The following AKAP6 variants were observed in gnomAD, a reference collection of about 807,000 sequenced individuals.
AKAP6 encodes A-kinase anchor protein 6.
In AKAP6, 58 loss-of-function variants were observed where a neutral mutation model predicts 188.5. The observed-to-expected ratio is 0.31, with a 90% CI of 0.25 to 0.38. The LOEUF is 0.38. Among genes scored for constraint, AKAP6 ranks in the 10% least tolerant of loss-of-function variants. The probability of loss-of-function intolerance (pLI) is 1.00; values close to 1 mark genes in which losing one functional copy is unlikely to be tolerated. For synonymous variants in AKAP6, 989 were observed against 998.6 expected, an observed-to-expected ratio of 0.99 and a Z score of 0.18; for missense variants, 2,710 against 2,740.0, an observed-to-expected ratio of 0.99 and a Z score of 0.24.
intron 7 of AKAP6, among the ~76,000 whole-genome samples, chr14:32,614,760 C>G (rs1886488375): frequency 6.6e-6 from 1 of 152,106 alleles, no homozygotes; most frequent in Non-Finnish European, 1.5e-5. Context: ...CAGTGAATCA[C>G]AGTTAGTCCA....
At chr14:32,544,336 A>T (rs950433325) in intron 3 of AKAP6, among the ~76,000 whole-genome samples, 1 of 152,228 alleles carries the variant, frequency 6.6e-6, no homozygotes, top group African/African-American at 2.4e-5. Flanking sequence ...CAAACAAATC[A>T]TCAGTGAAAA....
chr14:32,723,690 C>G (rs1431818332), intron 9 of AKAP6, among the ~76,000 whole-genome samples: 1 of 151,960 alleles, frequency 6.6e-6, no homozygotes, highest in Non-Finnish European at 1.5e-5. Context: ...AGGGTTGCCC[C>G]TTTTAGATGA....
intron 7 of AKAP6, among the ~76,000 whole-genome samples, chr14:32,617,585 A>G (rs772807198): frequency 6.6e-6 from 1 of 152,184 alleles, no homozygotes; most frequent in Non-Finnish European, 1.5e-5. Context: ...CAAACAATTT[A>G]TAACACAAAT....
chr14:32,420,541 G>T (rs1031557289), intron 1 of AKAP6, among the ~76,000 whole-genome samples: 3 of 151,998 alleles, frequency 2.0e-5, no homozygotes, highest in Admixed American at 1.3e-4. Flanking sequence ...AACAACTTTT[G>T]GTTTCTCTCT....
chr14:32,826,751 A>G (rs956971122), intron 13 of AKAP6, among the ~76,000 whole-genome samples: 2 of 152,218 alleles, frequency 1.3e-5, no homozygotes, highest in South Asian at 4.1e-4. Context: ...ACTTGGAGGA[A>G]GTGAATGTGC....
At chr14:32,734,147 G>A (rs895612346) in intron 10 of AKAP6, 2 of 151,916 alleles carry the variant, frequency 1.3e-5, no homozygotes, top group Non-Finnish European at 2.9e-5. Context: ...GTAGGGTGAG[G>A]GAAGATTTTT....
At chr14:32,459,502 G>A (rs1018796925) in intron 2 of AKAP6, among the ~76,000 whole-genome samples, 1 of 151,824 alleles carries the variant, frequency 6.6e-6, no homozygotes, top group Non-Finnish European at 1.5e-5. Flanking sequence ...AACAAAAACA[G>A]TGGAATAGAA....
intron 3 of AKAP6, 27 bp downstream of exon 3, chr14:32,535,832 A>G (rs1167318364): frequency 1.3e-6 from 2 of 1,592,330 alleles, no homozygotes; most frequent in South Asian, 1.1e-5. Flanking sequence ...AAGTTAAGCA[A>G]TGCATTTCCA....
chr14:32,657,843 A>G (rs1471364967), intron 7 of AKAP6, among the ~76,000 whole-genome samples: 2 of 152,134 alleles, frequency 1.3e-5, no homozygotes, highest in Non-Finnish European at 2.9e-5. Flanking sequence ...AGTAATAAAA[A>G]AAATCTATAC....
chr14:32,835,197 G>A lies in AKAP6; in HGVS notation c.*5392G>A, dbSNP rs569921278. 6.6e-5 allele frequency: 10 copies of A among 152,024 alleles called. No individual in the cohort carries two copies. In the South Asian group the frequency reaches 1.0e-3, roughly 16 times the overall value. 9.4% of individuals were successfully genotyped at this position (152,024 alleles called of 1,614,324 possible). ...CCTGGTCTATGATATTCTAAATTCC[G>A]ACACATTTTCTTAGGATAGATTTCC... On this transcript the variant is annotated 3_prime_UTR_variant, in exon 14 of 14. Transcript: ENST00000280979.
intron 12 of AKAP6, among the ~76,000 whole-genome samples, chr14:32,809,114 G>A (rs542763424): frequency 6.6e-6 from 1 of 152,198 alleles, no homozygotes; most frequent in Non-Finnish European, 1.5e-5. Flanking sequence ...CTCAGTGTAC[G>A]TGGGCTTTGG....
chr14:32,697,279 C>A (rs1048553100), intron 9 of AKAP6, among the ~76,000 whole-genome samples: 2 of 152,084 alleles, frequency 1.3e-5, no homozygotes, highest in African/African-American at 2.4e-5. Flanking sequence ...ATATAAGCTC[C>A]CCAGGGACCC....
At chr14:32,542,510 G>A (rs1184785724) in intron 3 of AKAP6, among the ~76,000 whole-genome samples, 1 of 152,142 alleles carries the variant, frequency 6.6e-6, no homozygotes, top group Non-Finnish European at 1.5e-5. Flanking sequence ...TAAAGAGAAA[G>A]CAGGGCTTAC....
intron 11 of AKAP6, among the ~76,000 whole-genome samples, chr14:32,763,691 C>T (rs1445341009): frequency 6.6e-6 from 1 of 152,076 alleles, no homozygotes; most frequent in Non-Finnish European, 1.5e-5. Flanking sequence ...GCCATTTAAT[C>T]ATGTCATTTT....
intron 2 of AKAP6, among the ~76,000 whole-genome samples, chr14:32,476,824 C>T (rs762087964): frequency 6.6e-6 from 1 of 152,188 alleles, no homozygotes; most frequent in Non-Finnish European, 1.5e-5. Flanking sequence ...AAGACCCAGC[C>T]TCCACAGTGG....
At chr14:32,659,377 T>A (rs1888591204) in intron 7 of AKAP6, among the ~76,000 whole-genome samples, 1 of 152,082 alleles carries the variant, frequency 6.6e-6, no homozygotes, top group South Asian at 2.1e-4. Context: ...TAGATTTGTA[T>A]TCTGACTGTA....
At chr14:32,411,986 G>A (rs1016217198) in intron 1 of AKAP6, among the ~76,000 whole-genome samples, 1 of 151,876 alleles carries the variant, frequency 6.6e-6, no homozygotes, top group African/African-American at 2.4e-5. Context: ...AAAACACATT[G>A]GTAAGTAGAA....
At chr14:32,736,506 CA>C (rs1207804951) in intron 11 of AKAP6, among the ~76,000 whole-genome samples, 2 of 152,110 alleles carry the variant, frequency 1.3e-5, no homozygotes, top group Non-Finnish European at 2.9e-5. Flanking sequence ...AGCAATTTAA[CA>C]TTAGAATGTT....
At chr14:32,414,468 T>C (rs1435501812) in intron 1 of AKAP6, among the ~76,000 whole-genome samples, 1 of 152,172 alleles carries the variant, frequency 6.6e-6, no homozygotes, top group Non-Finnish European at 1.5e-5. Flanking sequence ...CGGTATTACA[T>C]GACCCATGTT....
Sources: allele counts gnomAD v4.1 joint callset (sites outside exome capture counted in the v4.1 genomes callset), GRCh38; gene constraint gnomAD v4.1.1; transcripts MANE v1.5; gene names NCBI Gene and HGNC (gene_info 2026-07-23, HGNC 2026-07-21).